Variants in MIGA2 observed in about 807,000 individuals in gnomAD.
MIGA2 encodes mitoguardin 2.
A neutral mutation model predicts 69.9 loss-of-function variants in MIGA2; 36 were observed. The observed-to-expected ratio is 0.52, with a 90% CI of 0.39 to 0.68. The LOEUF is 0.68. Ranked by LOEUF, MIGA2 falls within the 30% of genes least tolerant of loss-of-function variation. The pLI, the probability that MIGA2 is intolerant of heterozygous loss-of-function variation, is 0.00. For missense variants in MIGA2, 660 were observed against 787.7 expected, an observed-to-expected ratio of 0.84 and a Z score of 1.94; for synonymous variants, 333 against 349.2, an observed-to-expected ratio of 0.95 and a Z score of 0.52.
rs1056018883 is a variant in MIGA2 at position 129,049,757 on chromosome 9, T to C, written c.539-70T>C. ...CTTCAAGGCCCTCCTGCCTCCTTGA[T>C]GTTCTGAGCCCCCTCTTGGGTGAGA... On this transcript the variant is annotated intron_variant, in intron 5 of 15. Coordinates refer to ENST00000684074, the MANE Select transcript of MIGA2 (RefSeq NM_001329990.2). 3.1e-6 allele frequency: 5 copies of C among 1,605,898 alleles called. No individual in the cohort carries two copies. In the Admixed American group the frequency reaches 8.8e-5, roughly 28 times the overall value.
At chr9:129,064,008 T>C (rs907924312) in intron 11 of MIGA2, among the ~76,000 whole-genome samples, 7 of 152,182 alleles carry the variant, frequency 4.6e-5, no homozygotes, top group Admixed American at 6.5e-5. Flanking sequence ...ATCTTCCTTC[T>C]ACTGCTCTCT....
intron 6 of MIGA2, 26 bp downstream of exon 6, chr9:129,049,989 C>T (rs370849727): frequency 3.8e-5 from 60 of 1,595,042 alleles, no homozygotes; most frequent in Non-Finnish European, 3.9e-5. Context: ...CATCCCCCTA[C>T]GCCCATGGGA....
At chr9:129,067,750 A>G (rs1329108798) in intron 11 of MIGA2, 23 bp from the exon 12 acceptor site, 7 of 1,595,870 alleles carry the variant, frequency 4.4e-6, no homozygotes, top group Non-Finnish European at 6.0e-6. Flanking sequence ...AGTGACCAGG[A>G]TGGGCCGTGC....
At position 129,058,703 on chromosome 9, in the gene MIGA2, T is replaced by G. The variant is rs1009000090; in HGVS notation, c.676-451T>G. Among the ~76,000 whole-genome samples, 4 of 152,166 alleles carry G rather than the reference T, an allele frequency of 2.6e-5. No individual in the cohort carries two copies. In the South Asian group the frequency reaches 8.3e-4, roughly 32 times the overall value. On this transcript the variant is annotated intron_variant, in intron 6 of 15. Coordinates refer to ENST00000684074, the MANE Select transcript of MIGA2 (RefSeq NM_001329990.2). ...TTAGTAGAGATATGGTTTCATCATG[T>G]TGGTCAGGCTGGTCTCGAACTCCTG...
intron 6 of MIGA2, among the ~76,000 whole-genome samples, chr9:129,056,170 CAT>C (rs1288490639): frequency 6.6e-6 from 1 of 150,688 alleles, no homozygotes; most frequent in African/African-American, 2.4e-5. Flanking sequence ...TCAAGGGTCA[CAT>C]GTGTATTATT....
intron 6 of MIGA2, chr9:129,051,284 A>ATTTTT: frequency 1.2e-5 from 2 of 160,464 alleles, no homozygotes; most frequent in African/African-American, 2.7e-5. Flanking sequence ...TTATTTATTT[A>ATTTTT]TTTTTTTTTT....
chr9:129,059,608 C>A lies in MIGA2; in HGVS notation c.793+337C>A, dbSNP rs1845961565. 6.6e-6 allele frequency among the ~76,000 whole-genome samples: 1 copy of A among 152,154 alleles called. No individual in the cohort carries two copies. The highest frequency in any genetic ancestry group is 2.1e-4 in the South Asian group (1 of 4,830). On this transcript the variant is annotated intron_variant, in intron 7 of 15. Transcript: ENST00000684074. The surrounding 1 kb of genome is among the most constrained non-coding windows in gnomAD (Gnocchi z 5.6). ...TCGCTTCGAGTCCTTTCCTGTGGCTCAAACTGGGTGGGTGGATGGAGTGAC... is the reference window on the plus strand; with the variant it reads ...TCGCTTCGAGTCCTTTCCTGTGGCTAAAACTGGGTGGGTGGATGGAGTGAC...
Position 129,068,255 on chromosome 9 carries a change from G to A in MIGA2, c.1327G>A (p.Glu443Lys). 6.2e-7 allele frequency: 1 copy of A among 1,613,508 alleles called. No individual in the cohort carries two copies. Among genetic ancestry groups the A allele is most frequent in the Non-Finnish European group, 8.5e-7 (1 of 1,179,986 alleles). ...VLDFILMDAF[E>K]DLENPPASVL... is the part of the protein sequence containing the mutation. ...GGACTTCATCCTCATGGACGCCTTCGAGGACCTGGAGAACCCTCCGGCCTC... is the reference window on the plus strand; with the variant it reads ...GGACTTCATCCTCATGGACGCCTTCAAGGACCTGGAGAACCCTCCGGCCTC... Residue 443 changes from glutamate to lysine, a missense_variant, in exon 13 of 16, where the codon GAG (glutamate) becomes AAG (lysine). Glu to Lys is a moderately conservative substitution (Grantham distance 56). This residue lies in a region of MIGA2 where 220 missense variants were observed against 301.7 expected (regional missense o/e 0.73). Transcript: ENST00000684074. The surrounding 1 kb of genome is among the most constrained non-coding windows in gnomAD (Gnocchi z 4.1).
Position 129,059,072 on chromosome 9 carries a change from C to A in MIGA2, c.676-82C>A. The A allele has an allele frequency of 7.8e-7, 1 of 1,286,692 alleles. No individual in the cohort carries two copies. Among genetic ancestry groups the A allele is most frequent in the Non-Finnish European group, 1.1e-6 (1 of 892,324 alleles). The allele number at this position is 1,286,692 out of a possible 1,614,324, so 79.7% of individuals were successfully genotyped here. Reference sequence around the variant, plus strand: ...GGTCCTAGAGCTCCTCCCCTTTCCCCAGGGACCTGGGGGTGAGGGAAGGGG... The same window carrying A: ...GGTCCTAGAGCTCCTCCCCTTTCCCAAGGGACCTGGGGGTGAGGGAAGGGG... On this transcript the variant is annotated intron_variant, in intron 6 of 15. Coordinates refer to ENST00000684074, the MANE Select transcript of MIGA2 (RefSeq NM_001329990.2). This position sits in a 1 kb window ranked among gnomAD's most constrained non-coding sequence, Gnocchi z 5.6.
chr9:129,063,303 G>T lies in MIGA2; in HGVS notation c.1070G>T (p.Arg357Leu). 6.2e-7 allele frequency: 1 copy of T among 1,614,066 alleles called. No homozygotes were observed. Among genetic ancestry groups the T allele is most frequent in the Non-Finnish European group, 8.5e-7 (1 of 1,180,010 alleles). ...TTTCTGGCCAAGCTGCACTGTGTGC[G>T]GCAGGCCTTCGAGGTGGGTGTGGCC... is the stretch of plus-strand genomic sequence containing the variant. ...QDFLAKLHCV[R>L]QAFEGLLEDK... is the part of the protein sequence containing the mutation. Residue 357 changes from arginine (R) to leucine (L), a missense_variant, in exon 10 of 16, where the codon CGG becomes CTG. Transcript: ENST00000684074.
At chr9:129,049,079 C>T (rs190881163) in intron 4 of MIGA2, among the ~76,000 whole-genome samples, 6 of 152,264 alleles carry the variant, frequency 3.9e-5, no homozygotes, top group East Asian at 1.9e-4. Flanking sequence ...AGAGGAGCCC[C>T]GGCATAGGGG....
chr9:129,063,655 G>GGGGGGGCC, intron 11 of MIGA2, 24 bp downstream of exon 11: 51 of 645,332 alleles, frequency 7.9e-5, no homozygotes, highest in Non-Finnish European at 1.4e-4. Context: ...GGGTGGGGGG[G>GGGGGGGCC]CAAATTATAA....
chr9:129,039,395 G>A (rs1844779422), intron 1 of MIGA2, among the ~76,000 whole-genome samples: 1 of 151,386 alleles, frequency 6.6e-6, no homozygotes, highest in Non-Finnish European at 1.5e-5. Context: ...ACAGGTGCCC[G>A]CTACAACGCC....
intron 4 of MIGA2, 118 bp downstream of exon 4, chr9:129,048,657 C>T (rs1845362029): frequency 5.3e-6 from 4 of 758,624 alleles, no homozygotes; most frequent in Admixed American, 2.3e-5. Context: ...CTCTCTCACT[C>T]CTCCACCCAC....
rs1256264827 is a variant in MIGA2 at position 129,059,354 on chromosome 9, G to A, written c.793+83G>A. ...GGAGAAGTTGCGAGAACCGGGTCGT[G>A]GTTCTCTCAGTGCGTCCAATGAATC... On this transcript the variant is annotated intron_variant, in intron 7 of 15. Transcript: ENST00000684074. The surrounding 1 kb of genome is among the most constrained non-coding windows in gnomAD (Gnocchi z 5.6). The A allele has an allele frequency of 9.2e-7, 1 of 1,088,560 alleles. No individual in the cohort carries two copies. The highest frequency in any genetic ancestry group is 1.6e-5 in the African/African-American group (1 of 64,214). The allele number at this position is 1,088,560 out of a possible 1,614,324, so 67.4% of individuals were successfully genotyped here. A position where few individuals can be genotyped will look rare whatever the true frequency, so the allele number is the denominator to read the frequency against.
rs1846584917 is a variant in MIGA2 at position 129,069,981 on chromosome 9, T to C, written c.1575+16T>C. On this transcript the variant is annotated intron_variant, in intron 15 of 15. Transcript: ENST00000684074. This position sits in a 1 kb window ranked among gnomAD's most constrained non-coding sequence, Gnocchi z 4.9. ...TTTCTTCAAGGTAAACAGAGAGCAG[T>C]TCTCGTTCTTTCCTGACCCTTGCCC... 2 of 1,564,788 alleles carry C rather than the reference T, an allele frequency of 1.3e-6. No homozygotes were observed. Among genetic ancestry groups the C allele is most frequent in the African/African-American group, 1.4e-5 (1 of 73,470 alleles).
intron 6 of MIGA2, among the ~76,000 whole-genome samples, chr9:129,053,525 G>A (rs375311984): frequency 2.6e-5 from 4 of 151,884 alleles, no homozygotes; most frequent in Admixed American, 6.6e-5. Context: ...CACCACGCCC[G>A]GCTAATTTTT....
chr9:129,047,861 C>G (rs953964704), intron 3 of MIGA2, among the ~76,000 whole-genome samples: 1 of 152,042 alleles, frequency 6.6e-6, no homozygotes, highest in Non-Finnish European at 1.5e-5. Flanking sequence ...TCCCAAGTAG[C>G]TGGGGCTGCA....
intron 6 of MIGA2, among the ~76,000 whole-genome samples, chr9:129,050,903 C>T (rs553163927): frequency 4.5e-4 from 67 of 148,940 alleles, no homozygotes; most frequent in African/African-American, 1.6e-3. Flanking sequence ...GACAGAGTTT[C>T]GCTCTTGTTG....
Sources: gnomAD v4.1 joint callset for allele counts (sites outside exome capture counted in the v4.1 genomes callset) on GRCh38, gnomAD v4.1.1 for gene constraint, gnomAD v4.1.1 regional missense constraint, Gnocchi (gnomAD v3.1) non-coding constraint, MANE v1.5 for transcripts, NCBI Gene and HGNC (gene_info 2026-07-23, HGNC 2026-07-21) for gene names.